Variants in TMEM74 observed in about 807,000 individuals in gnomAD.
TMEM74 encodes the protein transmembrane protein 74.
TMEM74 carries 13 observed loss-of-function variants against 18.1 expected under a neutral mutation model. That is an observed-to-expected ratio of 0.72 (90% CI 0.47 to 1.14). TMEM74 has a LOEUF of 1.14. Among genes scored for constraint, TMEM74 ranks in the 50% most tolerant of loss-of-function variants. The probability of loss-of-function intolerance (pLI) is 0.00; values close to 1 mark genes in which losing one functional copy is unlikely to be tolerated. For synonymous variants in TMEM74, 159 were observed against 146.6 expected, an observed-to-expected ratio of 1.08 and a Z score of -0.61; for missense variants, 372 against 375.9, an observed-to-expected ratio of 0.99 and a Z score of 0.09.
chr8:108,695,399 G>A (rs1813272053), intron 1 of TMEM74, among the ~76,000 whole-genome samples: 1 of 152,204 alleles, frequency 6.6e-6, no homozygotes, highest in African/African-American at 2.4e-5. Context: ...TGCCTATAGA[G>A]TGTGTGAGAA....
At chr8:108,613,623 A>G (rs756107435) in intron 2 of TMEM74, among the ~76,000 whole-genome samples, 1 of 152,196 alleles carries the variant, frequency 6.6e-6, no homozygotes, top group African/African-American at 2.4e-5. Flanking sequence ...CCTTGAAGCC[A>G]TTTAGACCAC....
chr8:108,629,094 A>G (rs1220989505), intron 2 of TMEM74, among the ~76,000 whole-genome samples: 1 of 151,918 alleles, frequency 6.6e-6, no homozygotes, highest in Non-Finnish European at 1.5e-5. Context: ...TTGCCTGTCC[A>G]TTCTGATGTG....
chr8:108,679,603 T>C (rs1029160640), intron 1 of TMEM74, among the ~76,000 whole-genome samples: 18 of 152,226 alleles, frequency 1.2e-4, no homozygotes, highest in African/African-American at 4.3e-4. Flanking sequence ...TTGTTTGTTT[T>C]TTCTTGTAAA....
At chr8:108,724,325 C>G (rs927842471) in intron 1 of TMEM74, among the ~76,000 whole-genome samples, 1 of 152,132 alleles carries the variant, frequency 6.6e-6, no homozygotes, top group Non-Finnish European at 1.5e-5. Context: ...TTTGTGTGAA[C>G]AGTGACAGTC....
At chr8:108,770,964 G>T (rs938360048) in intron 1 of TMEM74, among the ~76,000 whole-genome samples, 1 of 152,054 alleles carries the variant, frequency 6.6e-6, no homozygotes, top group Admixed American at 6.6e-5. Flanking sequence ...CACTGAGAAG[G>T]TCCCACATCG....
intron 1 of TMEM74, among the ~76,000 whole-genome samples, chr8:108,726,211 T>G (rs941174273): frequency 6.6e-6 from 1 of 152,124 alleles, no homozygotes; most frequent in Non-Finnish European, 1.5e-5. Flanking sequence ...GTCTAAAACC[T>G]CTATACCTAA....
At position 108,756,747 on chromosome 8, in the gene TMEM74, G is replaced by GAAA. The variant is rs1563543891; in HGVS notation, n.119+30728_119+30729insTTT. Among the ~76,000 whole-genome samples, 114 of 46,284 alleles carry GAAA rather than the reference G, an allele frequency of 2.5e-3. 1 individual carries two copies. Among genetic ancestry groups the GAAA allele is most frequent in the Middle Eastern group, 0.018 (1 of 56 alleles). 30.4% of individuals were successfully genotyped at this position (46,284 alleles called of 152,430 possible). ...GAAAGAAAGAAAGAGAAAGAAAGAA[G>GAAA]GGAGGGAGGGAGGGAGGGAGGGGAG... On this transcript the variant is annotated intron_variant and non_coding_transcript_variant, in intron 1 of 3. Coordinates refer to the TMEM74 transcript ENST00000518838.
At chr8:108,617,848 C>T (rs1268765055) in intron 2 of TMEM74, among the ~76,000 whole-genome samples, 1 of 151,982 alleles carries the variant, frequency 6.6e-6, no homozygotes, top group Non-Finnish European at 1.5e-5. Flanking sequence ...AAAAGTTTAC[C>T]AGTGTTGAAC....
chr8:108,623,644 C>G (rs1812465917), intron 2 of TMEM74, among the ~76,000 whole-genome samples: 1 of 151,984 alleles, frequency 6.6e-6, no homozygotes, highest in Non-Finnish European at 1.5e-5. Flanking sequence ...TGATCAGTTG[C>G]AAGTGCAAAT....
At chr8:108,620,979 G>A (rs1312398615) in intron 2 of TMEM74, among the ~76,000 whole-genome samples, 1 of 152,188 alleles carries the variant, frequency 6.6e-6, no homozygotes, top group East Asian at 1.9e-4. Flanking sequence ...CACTCCTGCT[G>A]CTCCCATGAT....
chr8:108,783,399 A>T lies in TMEM74; in HGVS notation c.*782T>A, dbSNP rs1357670741. The T allele has an allele frequency of 6.6e-6, 1 of 152,296 alleles. No homozygotes were observed. Among genetic ancestry groups the T allele is most frequent in the Non-Finnish European group, 1.5e-5 (1 of 68,034 alleles). 9.4% of individuals were successfully genotyped at this position (152,296 alleles called of 1,614,324 possible). On this transcript the variant is annotated 3_prime_UTR_variant, in exon 2 of 2. Coordinates refer to ENST00000297459, the MANE Select transcript of TMEM74 (RefSeq NM_153015.3). ...CCAGCAGACTTCAAGAGCACAGATA[A>T]CCAGTATGATGGCAAAATCACAAAA...
intron 1 of TMEM74, among the ~76,000 whole-genome samples, chr8:108,690,103 G>C (rs556515894): frequency 2.1e-4 from 32 of 151,962 alleles, no homozygotes; most frequent in East Asian, 9.7e-4. Context: ...GACTGAGTAG[G>C]ACTACACACA....
intron 1 of TMEM74, among the ~76,000 whole-genome samples, chr8:108,748,029 T>A (rs1263311941): frequency 6.6e-6 from 1 of 152,144 alleles, no homozygotes; most frequent in Non-Finnish European, 1.5e-5. Flanking sequence ...AACATATGCA[T>A]GCATCTGTCT....
chr8:108,687,868 G>A (rs1813187078), intron 1 of TMEM74, among the ~76,000 whole-genome samples: 1 of 134,934 alleles, frequency 7.4e-6, no homozygotes, highest in Admixed American at 7.5e-5. Context: ...CTCCTGCTGT[G>A]TGGCCTGGTT....
chr8:108,776,868 A>T (rs1011998248), downstream of TMEM74, among the ~76,000 whole-genome samples: 2 of 152,072 alleles, frequency 1.3e-5, no homozygotes, highest in African/African-American at 4.8e-5. Flanking sequence ...AAAAAATATT[A>T]TGTTTTATCA....
rs564674282 is a variant in TMEM74 at position 108,697,930 on chromosome 8, T to C, written n.120-42493A>G. On this transcript the variant is annotated intron_variant and non_coding_transcript_variant, in intron 1 of 3. Transcript: ENST00000518838. ...TGAGTTGCTTAAAGGGAAATTACTT[T>C]CTTCAATCTTTCTCAAGATGACCTA... Among the ~76,000 whole-genome samples, 36 of 152,338 alleles carry C rather than the reference T, an allele frequency of 2.4e-4. 1 individual carries two copies. In the South Asian group the frequency reaches 7.0e-3, roughly 30 times the overall value.
intron 2 of TMEM74, among the ~76,000 whole-genome samples, chr8:108,620,343 C>T (rs1812427215): frequency 6.6e-6 from 1 of 152,086 alleles, no homozygotes; most frequent in Non-Finnish European, 1.5e-5. Flanking sequence ...GCAGATATCT[C>T]TGCACGTGTA....
intron 1 of TMEM74, among the ~76,000 whole-genome samples, chr8:108,709,624 T>G (rs1386706527): frequency 6.6e-6 from 1 of 152,104 alleles, no homozygotes; most frequent in Non-Finnish European, 1.5e-5. Flanking sequence ...GTGCCTATAG[T>G]TAACAATACA....
intron 2 of TMEM74, among the ~76,000 whole-genome samples, chr8:108,644,396 A>G (rs1812695469): frequency 6.6e-6 from 1 of 152,162 alleles, no homozygotes; most frequent in African/African-American, 2.4e-5. Context: ...AAGACTTCAA[A>G]CTATAAATTC....
Sources: allele counts gnomAD v4.1 joint callset (sites outside exome capture counted in the v4.1 genomes callset), GRCh38; gene constraint gnomAD v4.1.1; transcripts MANE v1.5; gene names NCBI Gene and HGNC (gene_info 2026-07-23, HGNC 2026-07-21).